ADGRA3: variants seen among roughly 807,000 people sequenced by gnomAD.
The protein encoded by ADGRA3 is G-protein coupled receptor 125.
In ADGRA3, 56 loss-of-function variants were observed where a neutral mutation model predicts 119.8. The ratio of observed to expected loss-of-function variants is 0.47; its 90% CI spans 0.38 to 0.58. The LOEUF is 0.58. ADGRA3 is among the 20% of genes least tolerant of loss of function. ADGRA3 has a pLI of 0.00. For missense variants in ADGRA3, 1,516 were observed against 1,649.0 expected (o/e 0.92, Z 1.40); for synonymous variants, 607 against 623.8 (o/e 0.97, Z 0.40).
At chr4:22,391,194 G>A (rs567673550) in intron 17 of ADGRA3, among the ~76,000 whole-genome samples, 2 of 152,104 alleles carry the variant, frequency 1.3e-5, no homozygotes, top group Admixed American at 1.3e-4. Context: ...AATGTCTCCT[G>A]CTCCTCCTAG....
intron 10 of ADGRA3, 113 bp from the exon 11 acceptor site, chr4:22,424,465 G>A (rs1560309873): frequency 1.7e-6 from 2 of 1,147,514 alleles, no homozygotes; most frequent in Non-Finnish European, 1.2e-6. Flanking sequence ...AATTCCACAT[G>A]AGAACCCAAC....
At chr4:22,418,832 T>G (rs1715535117) in intron 12 of ADGRA3, among the ~76,000 whole-genome samples, 1 of 151,714 alleles carries the variant, frequency 6.6e-6, no homozygotes, top group Admixed American at 6.6e-5. Flanking sequence ...TGTGAAATGG[T>G]GAAAAGAGAG....
chr4:22,409,706 C>A (rs1375547806), intron 14 of ADGRA3, among the ~76,000 whole-genome samples: 4 of 152,132 alleles, frequency 2.6e-5, no homozygotes, highest in African/African-American at 4.8e-5. Context: ...TACATTATCA[C>A]CATCATAGTT....
intron 17 of ADGRA3, among the ~76,000 whole-genome samples, chr4:22,391,245 TA>T (rs1300781270): frequency 6.6e-6 from 1 of 152,096 alleles, no homozygotes; most frequent in African/African-American, 2.4e-5. Flanking sequence ...CCTGGACTTC[TA>T]AAAAATGTAA....
rs774845797 is a variant in ADGRA3 at position 22,421,044 on chromosome 4, C to T, written c.1651G>A (p.Gly551Ser). 5.0e-6 allele frequency: 8 copies of T among 1,613,890 alleles called. No individual in the cohort carries two copies. The highest frequency in any genetic ancestry group is 6.8e-6 in the Non-Finnish European group (8 of 1,179,936). The change falls in exon 12 of 19, where the codon GGC (glycine) becomes AGC (serine). Residue 551 changes from glycine to serine, a missense_variant. Around this residue, in one of 2 missense-constraint regions of ADGRA3, gnomAD observed 1,088 missense variants for 1,107.1 expected, o/e 0.98. Transcript: ENST00000334304. ...ACGGTACAGGTCATCCCCGTGAAGC[C>T]AGTAGACTTGATGACATAAGCTTCC... Reference protein sequence around the residue: ...ALEAYVIKSTGFTGMTCTVFQ... With the variant: ...ALEAYVIKSTSFTGMTCTVFQ...
intron 1 of ADGRA3, chr4:22,515,306 C>T (rs748696930): frequency 2.3e-6 from 1 of 427,570 alleles, no homozygotes; most frequent in Non-Finnish European, 3.9e-6. Flanking sequence ...GAAAACTTTA[C>T]TTTGCAAACT....
At chr4:22,474,458 A>C (rs1432662960) in intron 1 of ADGRA3, among the ~76,000 whole-genome samples, 1 of 152,200 alleles carries the variant, frequency 6.6e-6, no homozygotes, top group Non-Finnish European at 1.5e-5. Context: ...AAACTGACTC[A>C]AAGAAGTCAT....
At chr4:22,419,845 T>C (rs1328807168) in intron 12 of ADGRA3, among the ~76,000 whole-genome samples, 5 of 152,160 alleles carry the variant, frequency 3.3e-5, no homozygotes, top group Non-Finnish European at 5.9e-5. Flanking sequence ...GTGCATCAAA[T>C]ACTCTCTTAG....
At chr4:22,483,187 CTTTA>C (rs1718310089) in intron 1 of ADGRA3, among the ~76,000 whole-genome samples, 1 of 152,152 alleles carries the variant, frequency 6.6e-6, no homozygotes, top group Non-Finnish European at 1.5e-5. Context: ...TGTTTTCTCT[CTTTA>C]TTTTTCATAG....
Position 22,447,498 on chromosome 4 carries a change from T to G in ADGRA3, c.487A>C (p.Asn163His). 6.4e-7 allele frequency: 1 copy of G among 1,573,570 alleles called. No homozygotes were observed. The highest frequency in any genetic ancestry group is 2.3e-5 in the East Asian group (1 of 44,068). ...CCTTGAGATAATGAAGAAAACAAAT[T>G]CCCCGAAAGGTTTCTGAAAGACAGA... ...TNLVRLNLSG[N>H]LFSSLSQGTF... Residue 163 changes from asparagine to histidine, a missense_variant, in exon 5 of 19, where the codon AAT becomes CAT. By Grantham distance (68) the Asn-to-His change is moderately conservative (BLOSUM62 1). Coordinates refer to ENST00000334304, the MANE Select transcript of ADGRA3 (RefSeq NM_145290.4).
intron 12 of ADGRA3, chr4:22,414,215 T>G (rs185208672): frequency 9.4e-6 from 2 of 212,864 alleles, no homozygotes; most frequent in Admixed American, 5.3e-5. Context: ...AATATGAGTA[T>G]AATTAATTTG....
chr4:22,462,272 C>T (rs1173869343), intron 2 of ADGRA3, among the ~76,000 whole-genome samples: 28 of 151,858 alleles, frequency 1.8e-4, no homozygotes, highest in Admixed American at 1.8e-3. Flanking sequence ...TTTTCCCTTC[C>T]CTGGCCTTCT....
intron 1 of ADGRA3, among the ~76,000 whole-genome samples, chr4:22,486,122 C>T (rs542469756): frequency 4.1e-4 from 62 of 152,328 alleles, no homozygotes; most frequent in African/African-American, 1.5e-3. Context: ...ATTTATTCCA[C>T]AACGTCCTCA....
intron 1 of ADGRA3, among the ~76,000 whole-genome samples, chr4:22,510,692 C>G (rs1416708250): frequency 6.6e-6 from 1 of 152,150 alleles, no homozygotes; most frequent in East Asian, 1.9e-4. Flanking sequence ...TCCCGAATGC[C>G]TTCTCCCCAC....
rs779530006 is a variant in ADGRA3, at chr4:22,388,389, C to T, written c.3282G>A (p.Ala1094=). The T allele has an allele frequency of 8.7e-6, 14 of 1,613,856 alleles. 1 individual carries two copies. Among genetic ancestry groups the T allele is most frequent in the East Asian group, 2.2e-5 (1 of 44,828 alleles). ...GEAPKCPNSS[A]ESSCTNKSAS... Reference sequence around the variant, plus strand: ...CACTTTTGTTTGTGCATGAAGACTCCGCACTGCTATTGGGGCATTTGGGTG... The same window carrying T: ...CACTTTTGTTTGTGCATGAAGACTCTGCACTGCTATTGGGGCATTTGGGTG... Residue 1094 remains alanine, a synonymous_variant, in exon 19 of 19, where the codon GCG becomes GCA. Transcript: ENST00000334304.
intron 7 of ADGRA3, 55 bp from the exon 8 acceptor site, chr4:22,438,475 A>ACC: frequency 1.4e-6 from 2 of 1,387,360 alleles, no homozygotes; most frequent in African/African-American, 1.4e-5. Flanking sequence ...AAAAAAGGAG[A>ACC]CAATAATGGG....
intron 1 of ADGRA3, among the ~76,000 whole-genome samples, chr4:22,503,369 A>C (rs1719116432): frequency 6.6e-6 from 1 of 152,248 alleles, no homozygotes; most frequent in South Asian, 2.1e-4. Flanking sequence ...ATCAGGAAGA[A>C]TTGCACAATA....
At chr4:22,421,874 C>A (rs1715702984) in intron 11 of ADGRA3, among the ~76,000 whole-genome samples, 1 of 72,474 alleles carries the variant, frequency 1.4e-5, no homozygotes. Flanking sequence ...GAGCAAGACT[C>A]AGTCTCCAAA....
chr4:22,504,202 T>C (rs1292259249), intron 1 of ADGRA3, among the ~76,000 whole-genome samples: 5 of 151,080 alleles, frequency 3.3e-5, no homozygotes, highest in Non-Finnish European at 5.9e-5. Context: ...ATTCAAATAT[T>C]ATGCAATTTA....
Sources: allele counts gnomAD v4.1 joint callset (sites outside exome capture counted in the v4.1 genomes callset), GRCh38; gene constraint gnomAD v4.1.1; regional missense constraint gnomAD v4.1.1; transcripts MANE v1.5; gene names NCBI Gene and HGNC (gene_info 2026-07-23, HGNC 2026-07-21).